The following NPIPB2 variants were observed in gnomAD, a reference collection of about 807,000 sequenced individuals.
The protein encoded by NPIPB2 is nuclear pore complex-interacting protein family member B2.
Under a neutral mutation model 30.8 loss-of-function variants are expected in NPIPB2, and 27 were observed. The ratio of observed to expected loss-of-function variants is 0.88; its 90% CI spans 0.65 to 1.21. The LOEUF (loss-of-function observed/expected upper bound fraction) is 1.21. Among genes scored for constraint, NPIPB2 ranks in the 50% most tolerant of loss-of-function variants. The probability of loss-of-function intolerance (pLI) is 0.00; values close to 1 mark genes in which losing one functional copy is unlikely to be tolerated. For missense variants in NPIPB2, 440 were observed against 446.2 expected (o/e 0.99, Z 0.13); for synonymous variants, 147 against 162.0 (o/e 0.91, Z 0.70).
rs115128422 is a variant in NPIPB2 at position 11,976,626 on chromosome 16, G to A, written c.-642C>T. The A allele has an allele frequency of 3.7e-3, 1,403 of 382,478 alleles. 23 individuals are homozygous for A. The highest frequency in any genetic ancestry group is 0.026 in the African/African-American group (1,250 of 47,610). 23.7% of individuals were successfully genotyped at this position (382,478 alleles called of 1,614,324 possible). ...CTCTCCACACCGGGTCCGGCGACTTGGATCTGCGCCGCGGTTTACGTTCCG... is the reference window on the plus strand; with the variant it reads ...CTCTCCACACCGGGTCCGGCGACTTAGATCTGCGCCGCGGTTTACGTTCCG... On this transcript the variant is annotated 5_prime_UTR_variant, in exon 1 of 6. Transcript: ENST00000538896.
intron 1 of NPIPB2, among the ~76,000 whole-genome samples, chr16:11,938,803 C>T (rs574908576): frequency 6.6e-6 from 1 of 152,166 alleles, no homozygotes; most frequent in African/African-American, 2.4e-5. Flanking sequence ...GGCTAGATTG[C>T]AGTGGCATGA....
upstream of NPIPB2, among the ~76,000 whole-genome samples, chr16:11,943,629 G>A (rs1167804897): frequency 5.9e-5 from 9 of 151,928 alleles, no homozygotes; most frequent in African/African-American, 2.2e-4. Context: ...TTGAACCTGG[G>A]AGGCAGAGGG....
chr16:11,960,141 G>C (rs537637437), intron 1 of NPIPB2, among the ~76,000 whole-genome samples: 1 of 152,170 alleles, frequency 6.6e-6, no homozygotes, highest in African/African-American at 2.4e-5. Flanking sequence ...CATTCTTTCT[G>C]ATGGCCATAG....
chr16:11,937,370 A>G (rs890876974), intron 2 of NPIPB2, among the ~76,000 whole-genome samples, 170 bp downstream of exon 2: 1 of 152,250 alleles, frequency 6.6e-6, no homozygotes, highest in African/African-American at 2.4e-5. Context: ...TTTAATTTTC[A>G]TAATGTAAAT....
In NPIPB2 at chr16:11,936,876, C is replaced by T. The variant is rs2054874598; in HGVS notation, c.192+664G>A. 3.3e-5 allele frequency among the ~76,000 whole-genome samples: 5 copies of T among 150,556 alleles called. No homozygotes were observed. The South Asian group carries it at 1.1e-3, about 33-fold the overall frequency. On this transcript the variant is annotated intron_variant, in intron 2 of 7. Coordinates refer to ENST00000399147, the Ensembl canonical transcript of NPIPB2. The stretch of plus-strand genomic sequence containing the variant: ...CATCATGAGACGCAGTGCAGTTGTG[C>T]CCTTCACCTTCTGGCAGTTTGTCAC...
At chr16:11,953,712 A>C (rs931095842) in intron 1 of NPIPB2, among the ~76,000 whole-genome samples, 7 of 75,548 alleles carry the variant, frequency 9.3e-5, no homozygotes, top group African/African-American at 3.2e-4. Context: ...ATTTACTTTA[A>C]TTTTTTTTTT....
intron 1 of NPIPB2, among the ~76,000 whole-genome samples, chr16:11,948,625 G>A (rs2055034344): frequency 6.6e-6 from 1 of 151,642 alleles, no homozygotes; most frequent in African/African-American, 2.4e-5. Flanking sequence ...AAATTAGCCG[G>A]GCGTAGTGGC....
intron 1 of NPIPB2, among the ~76,000 whole-genome samples, chr16:11,940,188 TA>T (rs1437496537): frequency 2.9e-5 from 3 of 104,584 alleles, no homozygotes; most frequent in African/African-American, 5.6e-5. Flanking sequence ...TTATCTCTAC[TA>T]AAAATACAAA....
At position 11,958,008 on chromosome 16, in the gene NPIPB2, C is replaced by T. The variant is rs189207895; in HGVS notation, c.-583-15894G>A. On this transcript the variant is annotated intron_variant, in intron 1 of 5. Coordinates refer to the NPIPB2 transcript ENST00000538896. ...CACATCCTGCCAACATCAGCTAAGCCGTGTTTTTGCAAACTCTCCCCAAAT... is the reference window on the plus strand; with the variant it reads ...CACATCCTGCCAACATCAGCTAAGCTGTGTTTTTGCAAACTCTCCCCAAAT... Among the ~76,000 whole-genome samples the T allele has an allele frequency of 3.9e-5, 6 of 152,298 alleles. No homozygotes were observed. In the East Asian group the frequency reaches 9.6e-4, roughly 24 times the overall value.
chr16:11,974,862 A>G (rs2055259775), intron 1 of NPIPB2, among the ~76,000 whole-genome samples: 2 of 152,024 alleles, frequency 1.3e-5, no homozygotes, highest in Admixed American at 6.6e-5. Context: ...TCACGAGGTC[A>G]GGAGATGGAG....
At chr16:11,955,271 T>C (rs1224928433) in intron 1 of NPIPB2, among the ~76,000 whole-genome samples, 4 of 149,828 alleles carry the variant, frequency 2.7e-5, no homozygotes, top group Non-Finnish European at 5.9e-5. Context: ...TGAGAATCAC[T>C]TGAACCTGGG....
At chr16:11,962,153 G>T (rs1293092320) in intron 1 of NPIPB2, among the ~76,000 whole-genome samples, 2 of 146,392 alleles carry the variant, frequency 1.4e-5, no homozygotes, top group Non-Finnish European at 3.0e-5. Context: ...AGCCCTGATG[G>T]TGCCACTGCA....
At chr16:11,970,199 CTT>C (rs1481851680) in intron 1 of NPIPB2, among the ~76,000 whole-genome samples, 1 of 151,444 alleles carries the variant, frequency 6.6e-6, no homozygotes, top group Non-Finnish European at 1.5e-5. Context: ...CATTTCCAGT[CTT>C]TATTTTTATT....
upstream of NPIPB2, among the ~76,000 whole-genome samples, chr16:11,945,163 G>C (rs1369349229): frequency 6.6e-6 from 1 of 152,038 alleles, no homozygotes; most frequent in Admixed American, 6.6e-5. Context: ...TCCAGCCTGG[G>C]CAATAAAAGC....
rs951989333 is a variant in NPIPB2, at chr16:11,963,209, G to A, written c.-584+13359C>T. ...AGCCTGACCAACACGGTGAAACCCC[G>A]TCTCTACCAAAAATACAAAAACTAG... On this transcript the variant is annotated intron_variant, in intron 1 of 5. Coordinates refer to the NPIPB2 transcript ENST00000538896. Among the ~76,000 whole-genome samples, 10 of 152,134 alleles carry A rather than the reference G, an allele frequency of 6.6e-5. No individual in the cohort carries two copies. The East Asian group carries it at 1.4e-3, about 21-fold the overall frequency.
chr16:11,962,795 G>A (rs1293765098), intron 1 of NPIPB2, among the ~76,000 whole-genome samples: 10 of 152,078 alleles, frequency 6.6e-5, no homozygotes, highest in Admixed American at 5.3e-4. Context: ...GTGGCTGGGC[G>A]CGGTGGCTCA....
intron 1 of NPIPB2, chr16:11,941,246 C>T (rs1174356493): frequency 7.9e-6 from 12 of 1,521,362 alleles, no homozygotes; most frequent in Non-Finnish European, 9.7e-6. Flanking sequence ...ACCCGCATGT[C>T]CTGGTCCTTT....
At chr16:11,951,238 CA>C (rs2055058480) in intron 1 of NPIPB2, among the ~76,000 whole-genome samples, 1 of 150,676 alleles carries the variant, frequency 6.6e-6, no homozygotes, top group Non-Finnish European at 1.5e-5. Context: ...GGGTGGATCA[CA>C]AGGTCAGGAG....
intron 1 of NPIPB2, among the ~76,000 whole-genome samples, chr16:11,955,180 C>T (rs918592780): frequency 7.2e-5 from 11 of 151,772 alleles, no homozygotes; most frequent in Non-Finnish European, 4.4e-5. Context: ...GTGGTGAAAC[C>T]CCATCTCTAC....
Sources: allele counts gnomAD v4.1 joint callset (sites outside exome capture counted in the v4.1 genomes callset), GRCh38; gene constraint gnomAD v4.1.1; transcripts MANE v1.5; gene names NCBI Gene and HGNC (gene_info 2026-07-23, HGNC 2026-07-21).